The following DDX10 variants were observed in gnomAD, a reference collection of about 807,000 sequenced individuals.
DDX10 encodes DEAD-box helicase 10.
A neutral mutation model predicts 104.3 loss-of-function variants in DDX10; 74 were observed. The observed-to-expected ratio is 0.71, with a 90% CI of 0.59 to 0.86. The LOEUF is 0.86. Among genes scored for constraint, DDX10 ranks in the 40% least tolerant of loss-of-function variants. The probability of loss-of-function intolerance (pLI) is 0.00; values close to 1 mark genes in which losing one functional copy is unlikely to be tolerated. For synonymous variants in DDX10, 351 were observed against 353.4 expected, an observed-to-expected ratio of 0.99 and a Z score of 0.08; for missense variants, 952 against 1,040.0, an observed-to-expected ratio of 0.92 and a Z score of 1.16.
chr11:108,901,116 C>T (rs1292877852), intron 16 of DDX10, among the ~76,000 whole-genome samples: 1 of 152,146 alleles, frequency 6.6e-6, no homozygotes, highest in East Asian at 1.9e-4. Context: ...TGTCATTTCC[C>T]CTGTAGAACA....
At chr11:108,852,663 T>C (rs972071146) in intron 16 of DDX10, among the ~76,000 whole-genome samples, 1 of 152,212 alleles carries the variant, frequency 6.6e-6, no homozygotes, top group Non-Finnish European at 1.5e-5. Flanking sequence ...AAGCATTCTG[T>C]ATCTCCCACT....
At chr11:108,936,517 A>G (rs945554963) in intron 17 of DDX10, among the ~76,000 whole-genome samples, 3 of 152,172 alleles carry the variant, frequency 2.0e-5, no homozygotes, top group Non-Finnish European at 4.4e-5. Flanking sequence ...ATAACAGCAA[A>G]AAGAAAATTA....
chr11:108,666,985 C>T (rs1289668887), intron 1 of DDX10, among the ~76,000 whole-genome samples: 1 of 152,214 alleles, frequency 6.6e-6, no homozygotes, highest in Non-Finnish European at 1.5e-5. Context: ...CTTACCTACT[C>T]TTATATCCAG....
chr11:108,769,124 T>G (rs1159562114), intron 13 of DDX10, among the ~76,000 whole-genome samples: 2 of 152,140 alleles, frequency 1.3e-5, no homozygotes, highest in Non-Finnish European at 2.9e-5. Flanking sequence ...ACATAGTCAC[T>G]GATTGGGATT....
chr11:108,726,254 G>A (rs954349977), intron 13 of DDX10, among the ~76,000 whole-genome samples: 1 of 152,020 alleles, frequency 6.6e-6, no homozygotes, highest in Non-Finnish European at 1.5e-5. Flanking sequence ...GAATCAGCTA[G>A]TTACTTCGTA....
rs909189591 is a variant in DDX10 at position 108,816,233 on chromosome 11, G to A, written c.1966-22213G>A. Among the ~76,000 whole-genome samples the A allele has an allele frequency of 7.9e-5, 12 of 152,172 alleles. No homozygotes were observed. The South Asian group carries it at 1.5e-3, about 18-fold the overall frequency. ...GCCTTATATTCTAATCTCCATCTAC[G>A]TATGCTCCCTAGGCAAATTTAGTAA... On this transcript the variant is annotated intron_variant, in intron 13 of 17. Coordinates refer to ENST00000322536, the MANE Select transcript of DDX10 (RefSeq NM_004398.4).
At chr11:108,821,998 C>A (rs1393224235) in intron 13 of DDX10, among the ~76,000 whole-genome samples, 3 of 152,110 alleles carry the variant, frequency 2.0e-5, no homozygotes, top group Middle Eastern at 3.2e-3. Flanking sequence ...TTCACATAAC[C>A]AGTTATATAA....
At chr11:108,817,799 G>A (rs549143489) in intron 13 of DDX10, among the ~76,000 whole-genome samples, 11 of 152,302 alleles carry the variant, frequency 7.2e-5, no homozygotes, top group Admixed American at 2.0e-4. Flanking sequence ...AGATAGAATA[G>A]GAATGACTGA....
intron 16 of DDX10, among the ~76,000 whole-genome samples, chr11:108,874,228 T>C (rs1181580390): frequency 6.6e-6 from 1 of 152,208 alleles, no homozygotes. Flanking sequence ...AAATAAATTT[T>C]TTTTGAAAAG....
At chr11:108,715,157 T>G (rs1434492797) in intron 10 of DDX10, among the ~76,000 whole-genome samples, 1 of 152,014 alleles carries the variant, frequency 6.6e-6, no homozygotes, top group Non-Finnish European at 1.5e-5. Flanking sequence ...CTACAATCTT[T>G]GGCTACTTGT....
intron 13 of DDX10, among the ~76,000 whole-genome samples, chr11:108,813,551 T>G (rs1007539737): frequency 2.6e-5 from 4 of 152,214 alleles, no homozygotes; most frequent in African/African-American, 9.6e-5. Context: ...GTCATTTGTT[T>G]TGGGTCATAT....
At chr11:108,887,404 T>C (rs935239373) in intron 16 of DDX10, among the ~76,000 whole-genome samples, 2 of 151,880 alleles carry the variant, frequency 1.3e-5, no homozygotes, top group Non-Finnish European at 2.9e-5. Flanking sequence ...TGTAGAAAAT[T>C]AGTTGCTTGG....
At chr11:108,842,188 T>C (rs1434495396) in intron 15 of DDX10, among the ~76,000 whole-genome samples, 1 of 152,178 alleles carries the variant, frequency 6.6e-6, no homozygotes, top group East Asian at 1.9e-4. Flanking sequence ...ACACATGATA[T>C]TGTTATACCA....
intron 16 of DDX10, among the ~76,000 whole-genome samples, chr11:108,881,895 AT>A (rs1209241984): frequency 6.6e-6 from 1 of 152,168 alleles, no homozygotes; most frequent in Non-Finnish European, 1.5e-5. Flanking sequence ...CCTAAATGTA[AT>A]TTAATTAAAA....
intron 12 of DDX10, among the ~76,000 whole-genome samples, chr11:108,721,944 G>A (rs1036051857): frequency 1.3e-5 from 2 of 152,168 alleles, no homozygotes; most frequent in South Asian, 4.1e-4. Context: ...CCCTAACAGT[G>A]GTGATGGTGA....
At chr11:108,903,829 G>A (rs1456351802) in intron 16 of DDX10, among the ~76,000 whole-genome samples, 1 of 152,072 alleles carries the variant, frequency 6.6e-6, no homozygotes, top group Non-Finnish European at 1.5e-5. Context: ...ACCATTTATA[G>A]GACATTTATG....
intron 16 of DDX10, among the ~76,000 whole-genome samples, chr11:108,910,193 T>C (rs942932553): frequency 6.6e-6 from 1 of 152,094 alleles, no homozygotes; most frequent in African/African-American, 2.4e-5. Flanking sequence ...CACTTGATAC[T>C]GGAAAAAACA....
intron 13 of DDX10, among the ~76,000 whole-genome samples, chr11:108,728,909 C>G (rs1332618699): frequency 6.6e-6 from 1 of 152,050 alleles, no homozygotes; most frequent in Non-Finnish European, 1.5e-5. Flanking sequence ...TTTATGGTTG[C>G]CTAATATGCC....
At chr11:108,750,926 C>CTTTTTTTTTTTTTTTTTTTTTTTTTT (rs10582729) in intron 13 of DDX10, among the ~76,000 whole-genome samples, 1 of 24,262 alleles carries the variant, frequency 4.1e-5, no homozygotes, top group Non-Finnish European at 9.9e-5. Context: ...CACCTGGTTA[C>CTTTTTTTTTTTTTTTTTTTTTTTTTT]TTTTTTTTTT....
Sources: allele counts gnomAD v4.1 joint callset (sites outside exome capture counted in the v4.1 genomes callset), GRCh38; gene constraint gnomAD v4.1.1; transcripts MANE v1.5; gene names NCBI Gene and HGNC (gene_info 2026-07-23, HGNC 2026-07-21).